MAD1L1: variants seen among roughly 807,000 people sequenced by gnomAD.
The protein encoded by MAD1L1 is mitotic spindle assembly checkpoint protein MAD1.
A neutral mutation model predicts 96.9 loss-of-function variants in MAD1L1; 95 were observed. That is an observed-to-expected ratio of 0.98 (90% CI 0.83 to 1.16). MAD1L1 has a LOEUF of 1.16. Among genes scored for constraint, MAD1L1 ranks in the 50% most tolerant of loss-of-function variants. MAD1L1 has a pLI of 0.00. For missense variants in MAD1L1, 1,007 were observed against 954.4 expected (o/e 1.06, Z -0.73); for synonymous variants, 473 against 396.6 (o/e 1.19, Z -2.29).
intron 17 of MAD1L1, among the ~76,000 whole-genome samples, chr7:1,908,487 T>G (rs1396647639): frequency 6.6e-6 from 1 of 152,064 alleles, no homozygotes; most frequent in Non-Finnish European, 1.5e-5. Flanking sequence ...GCTCAAGCAA[T>G]CCTCCCACCT....
intron 16 of MAD1L1, among the ~76,000 whole-genome samples, chr7:1,945,264 G>A (rs554017780): frequency 9.2e-5 from 14 of 152,324 alleles, no homozygotes; most frequent in African/African-American, 2.2e-4. Context: ...CCAGCTCCGC[G>A]GTGACAGGGA....
intron 11 of MAD1L1, among the ~76,000 whole-genome samples, chr7:2,077,690 C>T (rs929270080): frequency 3.3e-5 from 5 of 152,170 alleles, no homozygotes; most frequent in East Asian, 1.9e-4. Context: ...AGGAGGCGCG[C>T]GGGAGCAGGA....
At chr7:1,926,110 C>T (rs1028336494) in intron 17 of MAD1L1, among the ~76,000 whole-genome samples, 1 of 152,104 alleles carries the variant, frequency 6.6e-6, no homozygotes, top group East Asian at 1.9e-4. Flanking sequence ...ATAAAATCAG[C>T]GAGGCAAGAG....
At chr7:1,901,775 C>T (rs1481167672) in intron 17 of MAD1L1, among the ~76,000 whole-genome samples, 1 of 152,224 alleles carries the variant, frequency 6.6e-6, no homozygotes, top group Non-Finnish European at 1.5e-5. Flanking sequence ...ACCCACAGCC[C>T]TGGCTCCTGC....
At chr7:1,931,530 T>C (rs944614652) in intron 17 of MAD1L1, among the ~76,000 whole-genome samples, 5 of 152,250 alleles carry the variant, frequency 3.3e-5, no homozygotes, top group African/African-American at 9.6e-5. Context: ...CAGCCGATCA[T>C]GTCGGTATTA....
chr7:1,895,411 GC>G (rs1302929922), intron 18 of MAD1L1, among the ~76,000 whole-genome samples: 2 of 152,176 alleles, frequency 1.3e-5, no homozygotes, highest in Non-Finnish European at 1.5e-5. Context: ...CCTAGAGTCA[GC>G]CCCCTGCCTG....
rs368896237 is a variant in MAD1L1, at chr7:2,181,271, G to C, written c.986+31941C>G. Among the ~76,000 whole-genome samples the C allele has an allele frequency of 5.3e-5, 8 of 152,220 alleles. No homozygotes were observed. In the East Asian group the frequency reaches 1.5e-3, roughly 29 times the overall value. On this transcript the variant is annotated intron_variant, in intron 10 of 18. Transcript: ENST00000265854. ...CTCTGGAATCAGATTCTCTGCCCTT[G>C]CCAGGGCTGGCTGCTGGTGCTGCCA...
At chr7:2,113,648 T>C (rs1787500675) in intron 11 of MAD1L1, among the ~76,000 whole-genome samples, 1 of 152,158 alleles carries the variant, frequency 6.6e-6, no homozygotes, top group South Asian at 2.1e-4. Context: ...ATACTTATTA[T>C]CAGAACAAAA....
At chr7:1,955,393 C>T (rs1268925354) in intron 16 of MAD1L1, among the ~76,000 whole-genome samples, 5 of 152,156 alleles carry the variant, frequency 3.3e-5, no homozygotes, top group South Asian at 2.1e-4. Context: ...TGGGTTCAAG[C>T]GATTCTCCTG....
Position 2,191,808 on chromosome 7 carries a change from G to A in MAD1L1, c.986+21404C>T, listed in dbSNP as rs530545249. ...AGCACTTTGGGAGACCAAGACAGGC[G>A]GATCATGAGGTCAGGAGTTCGAGAT... On this transcript the variant is annotated intron_variant, in intron 10 of 18. Transcript: ENST00000265854. Among the ~76,000 whole-genome samples, 12 of 150,980 alleles carry A rather than the reference G, an allele frequency of 7.9e-5. No homozygotes were observed. The South Asian group carries it at 1.7e-3, about 21-fold the overall frequency.
intron 11 of MAD1L1, among the ~76,000 whole-genome samples, chr7:2,070,864 G>A (rs1381981214): frequency 6.6e-6 from 1 of 152,216 alleles, no homozygotes; most frequent in South Asian, 2.1e-4. Context: ...GGCCTTAGTT[G>A]CATGACTTGA....
intron 10 of MAD1L1, among the ~76,000 whole-genome samples, chr7:2,171,417 C>T (rs919822549): frequency 6.6e-6 from 1 of 152,216 alleles, no homozygotes; most frequent in Non-Finnish European, 1.5e-5. Flanking sequence ...ACCTCACCCC[C>T]GGAAGTGCTT....
intron 18 of MAD1L1, among the ~76,000 whole-genome samples, chr7:1,882,195 T>G (rs1258151617): frequency 6.6e-6 from 1 of 152,192 alleles, no homozygotes; most frequent in Non-Finnish European, 1.5e-5. Flanking sequence ...CTGGGCTGGA[T>G]GCCCACACCC....
intron 18 of MAD1L1, among the ~76,000 whole-genome samples, chr7:1,827,380 C>T (rs1250058102): frequency 1.3e-5 from 2 of 152,164 alleles, no homozygotes; most frequent in African/African-American, 4.8e-5. Flanking sequence ...AGCCCTCGCC[C>T]AGTGGCTCCC....
At chr7:2,178,051 T>C (rs1208761038) in intron 10 of MAD1L1, among the ~76,000 whole-genome samples, 1 of 152,238 alleles carries the variant, frequency 6.6e-6, no homozygotes, top group Non-Finnish European at 1.5e-5. Context: ...TACACAGAAC[T>C]AAATGAACTG....
chr7:2,158,356 G>C (rs946166971), intron 10 of MAD1L1, among the ~76,000 whole-genome samples: 1 of 152,182 alleles, frequency 6.6e-6, no homozygotes, highest in African/African-American at 2.4e-5. Context: ...AGACCCAGAG[G>C]ACTCCGAGGT....
chr7:1,901,490 T>A (rs1262006136), intron 17 of MAD1L1, among the ~76,000 whole-genome samples: 1 of 152,134 alleles, frequency 6.6e-6, no homozygotes, highest in Non-Finnish European at 1.5e-5. Flanking sequence ...TGGGACCACA[T>A]AGGCACTGCC....
rs149588502 is a variant in MAD1L1, at chr7:1,977,161, G to A, written c.1505+3292C>T. Among the ~76,000 whole-genome samples, 607 of 152,374 alleles carry A rather than the reference G, an allele frequency of 4.0e-3. 3 individuals carry two copies. The highest frequency in any genetic ancestry group is 5.5e-3 in the Non-Finnish European group (376 of 68,038). On this transcript the variant is annotated intron_variant, in intron 15 of 18. Transcript: ENST00000265854. ...AATAGGACCAGGCGCCGCAGAGCAG[G>A]GGGCCGCGCCGTCGGGGAGGCTGGG...
At chr7:2,087,944 C>T (rs1458602929) in intron 11 of MAD1L1, among the ~76,000 whole-genome samples, 5 of 152,160 alleles carry the variant, frequency 3.3e-5, no homozygotes, top group Non-Finnish European at 4.4e-5. Flanking sequence ...ATTCAACAGC[C>T]GGTGCCTCTG....
Sources: gnomAD v4.1 joint callset for allele counts (sites outside exome capture counted in the v4.1 genomes callset) on GRCh38, gnomAD v4.1.1 for gene constraint, MANE v1.5 for transcripts, NCBI Gene and HGNC (gene_info 2026-07-23, HGNC 2026-07-21) for gene names.